The following STK3 variants were observed in gnomAD, a reference collection of about 807,000 sequenced individuals.
STK3 encodes serine/threonine kinase 3, also known as serine/threonine-protein kinase 3.
In STK3, 41 loss-of-function variants were observed where a neutral mutation model predicts 58.0. The observed-to-expected ratio is 0.71, with a 90% CI of 0.55 to 0.92. The LOEUF (loss-of-function observed/expected upper bound fraction) is 0.92. STK3 is among the 40% of genes least tolerant of loss of function. The probability of loss-of-function intolerance (pLI) is 0.00; values close to 1 mark genes in which losing one functional copy is unlikely to be tolerated. For missense variants in STK3, 479 were observed against 602.7 expected, an observed-to-expected ratio of 0.79 and a Z score of 2.15; for synonymous variants, 170 against 191.0, an observed-to-expected ratio of 0.89 and a Z score of 0.91.
chr8:98,458,691 T>C (rs1226007922), intron 10 of STK3, among the ~76,000 whole-genome samples: 31 of 152,140 alleles, frequency 2.0e-4, no homozygotes, highest in Admixed American at 2.0e-3. Context: ...CTCCATGCTG[T>C]TCTAGTGATA....
At chr8:98,694,765 G>C (rs1824723608) in intron 6 of STK3, among the ~76,000 whole-genome samples, 2 of 152,262 alleles carry the variant, frequency 1.3e-5, no homozygotes, top group African/African-American at 4.8e-5. Context: ...GGACATTTGG[G>C]TTGGTTCCAA....
At chr8:98,775,277 C>T (rs1043020809) in intron 1 of STK3, among the ~76,000 whole-genome samples, 4 of 152,096 alleles carry the variant, frequency 2.6e-5, no homozygotes, top group African/African-American at 9.7e-5. Context: ...TGGAAAATGC[C>T]ACACCTGACC....
At chr8:98,377,013 A>G (rs1270159095) in intron 2 of STK3, among the ~76,000 whole-genome samples, 2 of 152,136 alleles carry the variant, frequency 1.3e-5, no homozygotes, top group African/African-American at 4.8e-5. Flanking sequence ...TGTTCCTTGA[A>G]CATGCTGGGC....
intron 3 of STK3, chr8:98,875,606 A>G (rs1245526747): frequency 6.6e-6 from 1 of 152,226 alleles, no homozygotes; most frequent in East Asian, 1.9e-4. Flanking sequence ...GAGGTTAAGA[A>G]ATCCAGGTTT....
At chr8:98,547,290 C>T (rs1426086576) in intron 9 of STK3, among the ~76,000 whole-genome samples, 1 of 152,120 alleles carries the variant, frequency 6.6e-6, no homozygotes, top group Non-Finnish European at 1.5e-5. Context: ...TCACAATGAC[C>T]TACGATGTTA....
chr8:98,770,687 T>C (rs1188965535), intron 2 of STK3, among the ~76,000 whole-genome samples: 1 of 152,050 alleles, frequency 6.6e-6, no homozygotes, highest in African/African-American at 2.4e-5. Flanking sequence ...ACAAAAAGGG[T>C]CCAGAGGATA....
chr8:98,658,849 T>C (rs1821746693), intron 6 of STK3, among the ~76,000 whole-genome samples: 6 of 152,082 alleles, frequency 3.9e-5, no homozygotes, highest in Non-Finnish European at 1.5e-5. Flanking sequence ...AGTTAAAAAA[T>C]GGGTCAAACA....
At chr8:98,560,293 T>C (rs1811908715) in intron 8 of STK3, among the ~76,000 whole-genome samples, 1 of 152,144 alleles carries the variant, frequency 6.6e-6, no homozygotes, top group Non-Finnish European at 1.5e-5. Context: ...GATGACATCA[T>C]TGTCTGTGTA....
At chr8:98,756,141 CA>C (rs569803318) in intron 3 of STK3, among the ~76,000 whole-genome samples, 38 of 108,528 alleles carry the variant, frequency 3.5e-4, no homozygotes, top group Admixed American at 6.1e-4. Flanking sequence ...GGCTCCGCCT[CA>C]AAAAAAAAAA....
chr8:98,902,809 A>G (rs1003113893), intron 1 of STK3, among the ~76,000 whole-genome samples: 2 of 152,240 alleles, frequency 1.3e-5, no homozygotes, highest in Admixed American at 6.5e-5. Flanking sequence ...TGCATTACAC[A>G]GGTGCATTAT....
At chr8:98,830,433 G>T (rs1835482096), upstream of STK3, among the ~76,000 whole-genome samples, 1 of 152,116 alleles carries the variant, frequency 6.6e-6, no homozygotes, top group Non-Finnish European at 1.5e-5. Flanking sequence ...ACTGTGCCTG[G>T]TGTGTTGTGT....
chr8:98,538,622 G>A (rs1809980603), intron 9 of STK3, among the ~76,000 whole-genome samples: 1 of 152,182 alleles, frequency 6.6e-6, no homozygotes, highest in Admixed American at 6.5e-5. Flanking sequence ...GTTCCTGTGC[G>A]AGTAATGAAT....
chr8:98,605,791 G>T (rs530531097), intron 6 of STK3, among the ~76,000 whole-genome samples: 2 of 152,240 alleles, frequency 1.3e-5, no homozygotes, highest in South Asian at 4.1e-4. Flanking sequence ...GAGGTGATTG[G>T]ACCATGGGGG....
intron 10 of STK3, among the ~76,000 whole-genome samples, chr8:98,481,876 A>T (rs112847015): frequency 0.019 from 2,955 of 152,280 alleles, 35 homozygotes; most frequent in Admixed American, 0.036. Context: ...TGATAATCAG[A>T]CTTCTCCTTT....
chr8:98,724,854 C>T (rs766650450), intron 4 of STK3, among the ~76,000 whole-genome samples: 4 of 152,246 alleles, frequency 2.6e-5, no homozygotes, highest in South Asian at 4.1e-4. Context: ...TCCTAATTTA[C>T]GTAGGTCTTA....
intron 6 of STK3, among the ~76,000 whole-genome samples, chr8:98,678,230 G>GT (rs1214484186): frequency 2.0e-5 from 3 of 151,726 alleles, no homozygotes; most frequent in African/African-American, 7.3e-5. Context: ...GTTTCTTAAG[G>GT]TTAAAAAAAA....
At chr8:98,841,914 G>T (rs1836005530) in intron 3 of STK3, among the ~76,000 whole-genome samples, 1 of 152,032 alleles carries the variant, frequency 6.6e-6, no homozygotes, top group South Asian at 2.1e-4. Context: ...TGGAGAATCT[G>T]CATTTCTAAG....
At chr8:98,503,936 A>C (rs1379190516) in intron 10 of STK3, among the ~76,000 whole-genome samples, 6 of 152,198 alleles carry the variant, frequency 3.9e-5, no homozygotes, top group Non-Finnish European at 8.8e-5. Flanking sequence ...TGCAGAGCTG[A>C]GTTCAAGTCC....
intron 3 of STK3, among the ~76,000 whole-genome samples, chr8:98,844,713 G>T (rs1482578306): frequency 2.6e-5 from 4 of 152,082 alleles, no homozygotes; most frequent in Non-Finnish European, 4.4e-5. Context: ...GTATCCTCCT[G>T]CCTCAGCCTC....
Sources: gnomAD v4.1 joint callset for allele counts (sites outside exome capture counted in the v4.1 genomes callset) on GRCh38, gnomAD v4.1.1 for gene constraint, MANE v1.5 for transcripts, NCBI Gene and HGNC (gene_info 2026-07-23, HGNC 2026-07-21) for gene names.